TP63: variants seen among roughly 807,000 people sequenced by gnomAD.
The protein encoded by TP63 is tumor protein 63.
In TP63, 17 loss-of-function variants were observed where a neutral mutation model predicts 82.8. The ratio of observed to expected loss-of-function variants is 0.21; its 90% CI spans 0.14 to 0.31. The LOEUF (loss-of-function observed/expected upper bound fraction) is 0.31. Among genes scored for constraint, TP63 ranks in the 10% least tolerant of loss-of-function variants. The pLI is 1.00. For missense variants in TP63, 648 were observed against 895.3 expected (o/e 0.72, Z 3.52); for synonymous variants, 330 against 321.7 (o/e 1.03, Z -0.28).
chr3:189,662,213 A>G (rs1359488924), intron 1 of TP63, among the ~76,000 whole-genome samples: 2 of 152,016 alleles, frequency 1.3e-5, no homozygotes, highest in African/African-American at 4.8e-5. Flanking sequence ...CACTATAAAC[A>G]TTCATCTTAA....
At chr3:189,652,079 G>A (rs1712942686) in intron 1 of TP63, among the ~76,000 whole-genome samples, 1 of 146,664 alleles carries the variant, frequency 6.8e-6, no homozygotes, top group South Asian at 2.3e-4. Context: ...TGGGGTTGGA[G>A]CTCCCACACA....
chr3:189,667,515 G>C (rs1467083087), intron 1 of TP63, among the ~76,000 whole-genome samples: 6 of 152,076 alleles, frequency 3.9e-5, no homozygotes, highest in Admixed American at 3.3e-4. Flanking sequence ...GCACCAGAGA[G>C]CAGGGAGCTA....
chr3:189,659,031 TAA>T (rs1713643172), intron 1 of TP63, among the ~76,000 whole-genome samples: 1 of 152,062 alleles, frequency 6.6e-6, no homozygotes, highest in Non-Finnish European at 1.5e-5. Context: ...TATTCTAAAA[TAA>T]AAGTTTATTA....
chr3:189,782,817 G>A (rs1470994620), intron 3 of TP63, among the ~76,000 whole-genome samples: 1 of 151,976 alleles, frequency 6.6e-6, no homozygotes, highest in Non-Finnish European at 1.5e-5. Flanking sequence ...AATAGCAATA[G>A]GAGGAACTTA....
intron 4 of TP63, among the ~76,000 whole-genome samples, chr3:189,823,683 G>C (rs1241751395): frequency 2.0e-5 from 3 of 152,064 alleles, no homozygotes; most frequent in Non-Finnish European, 2.9e-5. Context: ...TCTCTAGCTG[G>C]GACCTTGACG....
chr3:189,648,818 C>A (rs1312814078), intron 1 of TP63, among the ~76,000 whole-genome samples: 1 of 146,224 alleles, frequency 6.8e-6, no homozygotes, highest in Non-Finnish European at 1.5e-5. Flanking sequence ...CATGTAAAAC[C>A]ATTTCACATA....
rs55731981 is a variant in TP63 at position 189,777,845 on chromosome 3, CTTTTTTTTTTT to C, written c.325-30409_325-30399del. On this transcript the variant is annotated intron_variant, in intron 3 of 13. Coordinates refer to ENST00000264731, the MANE Select transcript of TP63 (RefSeq NM_003722.5). ...GAGTCTTCTTCTTCTTCTTCTTCTT[CTTTTTTTTTTT>C]TTTTTTTTTTTTTTTTTGAGTCAGA... 5.4e-3 allele frequency among the ~76,000 whole-genome samples: 204 copies of C among 37,766 alleles called. 2 individuals carry two copies. The highest frequency in any genetic ancestry group is 0.023 in the African/African-American group (198 of 8,512). 24.8% of individuals were successfully genotyped at this position (37,766 alleles called of 152,430 possible).
intron 3 of TP63, among the ~76,000 whole-genome samples, chr3:189,761,824 C>A (rs929751771): frequency 2.6e-5 from 4 of 152,234 alleles, no homozygotes; most frequent in Admixed American, 6.5e-5. Flanking sequence ...GGAGGCCTCA[C>A]AATCATGGCT....
chr3:189,856,773 T>TA (rs1156498773), intron 4 of TP63, among the ~76,000 whole-genome samples: 5 of 152,052 alleles, frequency 3.3e-5, no homozygotes, highest in African/African-American at 1.2e-4. Flanking sequence ...GTACTGTTTA[T>TA]AACAATTATT....
intron 4 of TP63, among the ~76,000 whole-genome samples, chr3:189,845,637 C>CT (rs1553852877): frequency 3.3e-5 from 5 of 149,976 alleles, no homozygotes; most frequent in Admixed American, 6.7e-5. Flanking sequence ...TTAGAGTTTT[C>CT]TTTTTTTTAA....
intron 3 of TP63, among the ~76,000 whole-genome samples, chr3:189,802,853 A>G (rs1456711474): frequency 6.6e-6 from 1 of 152,176 alleles, no homozygotes; most frequent in African/African-American, 2.4e-5. Context: ...ATAAGTTATG[A>G]TTATATATCC....
chr3:189,716,769 T>C (rs1388598635), intron 1 of TP63, among the ~76,000 whole-genome samples: 1 of 152,162 alleles, frequency 6.6e-6, no homozygotes, highest in African/African-American at 2.4e-5. Flanking sequence ...GCACTTTTCT[T>C]CTCCTAGGAA....
chr3:189,795,289 A>G (rs1245054817), intron 3 of TP63, among the ~76,000 whole-genome samples: 3 of 152,058 alleles, frequency 2.0e-5, no homozygotes, highest in African/African-American at 7.2e-5. Context: ...AAAACTTATA[A>G]TAGTCACTGT....
chr3:189,869,722 T>G (rs1191316038), intron 9 of TP63, among the ~76,000 whole-genome samples: 1 of 151,746 alleles, frequency 6.6e-6, no homozygotes, highest in South Asian at 2.1e-4. Context: ...AGGGTGTTTT[T>G]TTTTTTTTTA....
chr3:189,770,376 C>T (rs1346983343), intron 3 of TP63, among the ~76,000 whole-genome samples: 2 of 152,062 alleles, frequency 1.3e-5, no homozygotes, highest in Non-Finnish European at 2.9e-5. Context: ...ATCAGCCTGG[C>T]CAACATGGTG....
chr3:189,713,580 AT>A (rs1304010975), intron 1 of TP63, among the ~76,000 whole-genome samples: 3 of 152,162 alleles, frequency 2.0e-5, no homozygotes, highest in Non-Finnish European at 4.4e-5. Context: ...TGATTTTTGA[AT>A]TTTGAAAAGA....
At chr3:189,792,274 C>G (rs56107686) in intron 3 of TP63, among the ~76,000 whole-genome samples, 1 of 151,964 alleles carries the variant, frequency 6.6e-6, no homozygotes, top group Non-Finnish European at 1.5e-5. Context: ...TTGGGTACAG[C>G]GGAGAGGCCG....
At chr3:189,840,603 A>G (rs955454921) in intron 4 of TP63, among the ~76,000 whole-genome samples, 16 of 151,900 alleles carry the variant, frequency 1.1e-4, no homozygotes, top group African/African-American at 2.7e-4. Context: ...GCTCACGCCT[A>G]TAATTCCAGC....
Position 189,894,455 on chromosome 3 carries a change from G to A in TP63, c.1996G>A (p.Asp666Asn), listed in dbSNP as rs2108874809. The change falls in exon 14 of 14, where the codon GAT (aspartate) becomes AAT (asparagine). Residue 666 changes from aspartate to asparagine, a missense_variant. By Grantham distance (23) the Asp-to-Asn change is conservative. Coordinates refer to ENST00000264731, the MANE Select transcript of TP63 (RefSeq NM_003722.5). ...DEWNDFNFDM[D>N]ARRNKQQRIK... The stretch of plus-strand genomic sequence containing the variant: ...GTGGAATGACTTCAACTTTGACATG[G>A]ATGCTCGCCGCAATAAGCAACAGCG... 1 of 1,614,014 alleles carries A rather than the reference G, an allele frequency of 6.2e-7. No individual in the cohort carries two copies. The highest frequency in any genetic ancestry group is 1.7e-4 in the Middle Eastern group (1 of 6,038).
Sources: allele counts gnomAD v4.1 joint callset (sites outside exome capture counted in the v4.1 genomes callset), GRCh38; gene constraint gnomAD v4.1.1; transcripts MANE v1.5; gene names NCBI Gene and HGNC (gene_info 2026-07-23, HGNC 2026-07-21).